LIG1: variants seen among roughly 807,000 people sequenced by gnomAD.
The protein encoded by LIG1 is ligase I, DNA, ATP-dependent.
Under a neutral mutation model 115.7 loss-of-function variants are expected in LIG1, and 70 were observed. That is an observed-to-expected ratio of 0.60 (90% CI 0.50 to 0.74). The LOEUF (loss-of-function observed/expected upper bound fraction) is 0.74, where lower values mean the gene tolerates loss of function less well. Among genes scored for constraint, LIG1 ranks in the 30% least tolerant of loss-of-function variants. The pLI is 0.00. For missense variants in LIG1, 1,115 were observed against 1,225.6 expected, an observed-to-expected ratio of 0.91 and a Z score of 1.35; for synonymous variants, 487 against 495.3, an observed-to-expected ratio of 0.98 and a Z score of 0.22.
At chr19:48,140,724 A>G (rs1438108954) in intron 11 of LIG1, among the ~76,000 whole-genome samples, 1 of 152,106 alleles carries the variant, frequency 6.6e-6, no homozygotes, top group Non-Finnish European at 1.5e-5. Context: ...ATCTGGCTCA[A>G]CAAGTTCTGC....
In LIG1 at chr19:48,170,330, C is replaced by A. The variant is rs1009692839; in HGVS notation, c.-147G>T. ...AGTCCCAAGTTCGCGCCACGGCATT[C>A]GCGCGCAGACGTCTGCGGGCGGGGG... On this transcript the variant is annotated 5_prime_UTR_variant, in exon 1 of 28. Coordinates refer to ENST00000263274, the MANE Select transcript of LIG1 (RefSeq NM_000234.3). 4 of 442,016 alleles carry A rather than the reference C, an allele frequency of 9.0e-6. No individual in the cohort carries two copies. Among genetic ancestry groups the A allele is most frequent in the South Asian group, 4.7e-5 (3 of 63,396 alleles). 27.4% of individuals were successfully genotyped at this position (442,016 alleles called of 1,614,324 possible).
chr19:48,120,521 G>C (rs747838755), intron 24 of LIG1: 12 of 984,936 alleles, frequency 1.2e-5, no homozygotes, highest in Non-Finnish European at 1.4e-5. Context: ...TAGGAAATAC[G>C]TAAGAAAATC....
At chr19:48,133,907 G>A (rs747075236) in intron 17 of LIG1, 74 bp downstream of exon 17, 158 of 1,288,482 alleles carry the variant, frequency 1.2e-4, no homozygotes, top group African/African-American at 1.6e-4. Flanking sequence ...GGGCGCCTAC[G>A]ATGGCCACCC....
intron 4 of LIG1, among the ~76,000 whole-genome samples, chr19:48,160,997 A>T (rs1457621782): frequency 6.6e-6 from 1 of 152,078 alleles, no homozygotes; most frequent in Admixed American, 6.6e-5. Flanking sequence ...TTGGCCTCCC[A>T]ACGTGCTGGG....
At chr19:48,162,583 G>A (rs562894781) in intron 2 of LIG1, among the ~76,000 whole-genome samples, 284 of 151,714 alleles carry the variant, frequency 1.9e-3, no homozygotes, top group Non-Finnish European at 3.1e-3. Context: ...ACAGGCACCC[G>A]CCACCATGCC....
chr19:48,126,542 G>C (rs2033679023), intron 21 of LIG1, among the ~76,000 whole-genome samples: 1 of 151,162 alleles, frequency 6.6e-6, no homozygotes, highest in African/African-American at 2.4e-5. Flanking sequence ...GGAGGAGGCA[G>C]TTGTAGTGAG....
At chr19:48,142,032 T>C (rs1446662389) in intron 11 of LIG1, among the ~76,000 whole-genome samples, 1 of 152,332 alleles carries the variant, frequency 6.6e-6, no homozygotes, top group East Asian at 1.9e-4. Flanking sequence ...CCGGGTGTGG[T>C]GGCTCAGGCC....
intron 1 of LIG1, among the ~76,000 whole-genome samples, chr19:48,166,693 G>A (rs1481665113): frequency 2.0e-5 from 3 of 152,008 alleles, no homozygotes; most frequent in South Asian, 2.1e-4. Context: ...TTCCTAGGCC[G>A]GGCGTGGTGG....
intron 5 of LIG1, chr19:48,154,435 T>C: frequency 4.8e-6 from 1 of 209,154 alleles, no homozygotes; most frequent in Non-Finnish European, 9.9e-6. Context: ...CCCAGCTGCC[T>C]CGCATCTCGG....
chr19:48,156,041 T>C (rs1024137681), intron 5 of LIG1, among the ~76,000 whole-genome samples: 3 of 152,158 alleles, frequency 2.0e-5, no homozygotes, highest in African/African-American at 7.2e-5. Flanking sequence ...TCTCTCGCCC[T>C]GTTCTTACCC....
chr19:48,152,092 T>C (rs1009484336), intron 6 of LIG1, among the ~76,000 whole-genome samples: 1 of 152,104 alleles, frequency 6.6e-6, no homozygotes, highest in Non-Finnish European at 1.5e-5. Flanking sequence ...TAGTTTACAA[T>C]AAAATTTGTA....
chr19:48,151,268 G>A lies in LIG1; in HGVS notation c.538C>T (p.Gln180Ter). ...AGGGGCTTGGGAGGCGTGGTGGGCT[G>A]GTCCCCGTCTTCTCCTTCCTTCTCT... Reference protein sequence around the residue: ...ATEKEGEDGDQPTTPPKPLKT... With the variant: ...ATEKEGEDGD The change falls in exon 7 of 28, where the codon CAG (glutamine) becomes TAG (stop). Residue 180 changes from glutamine (Q) to a stop codon, truncating the protein, a stop_gained. Transcript: ENST00000263274. LOFTEE classifies it high-confidence loss of function. 6.2e-6 allele frequency: 10 copies of A among 1,613,764 alleles called. No individual in the cohort carries two copies. Among genetic ancestry groups the A allele is most frequent in the Non-Finnish European group, 8.5e-6 (10 of 1,179,776 alleles).
intron 15 of LIG1, 44 bp downstream of exon 15, chr19:48,135,989 AG>A: frequency 6.9e-7 from 1 of 1,451,012 alleles, no homozygotes; most frequent in Non-Finnish European, 9.4e-7. Context: ...GGGAAGCCTG[AG>A]GTAACTCCAG....
intron 25 of LIG1, among the ~76,000 whole-genome samples, chr19:48,118,182 G>A (rs1251865472): frequency 6.6e-6 from 1 of 152,144 alleles, no homozygotes; most frequent in African/African-American, 2.4e-5. Context: ...TAGAGAGAGA[G>A]GGCAATGGAG....
In LIG1 at chr19:48,153,820, TCACA is replaced by T. The variant is rs59841262; in HGVS notation, c.466+48_466+51del. 4.5e-4 allele frequency: 62 copies of T among 138,554 alleles called. 1 individual carries two copies. The highest frequency in any genetic ancestry group is 1.3e-3 in the East Asian group (3 of 2,226). The allele number at this position is 138,554 out of a possible 1,614,324, so 8.6% of individuals were successfully genotyped here. A position where few individuals can be genotyped will look rare whatever the true frequency, so the allele number is the denominator to read the frequency against. On this transcript the variant is annotated intron_variant, in intron 6 of 27. Transcript: ENST00000263274. ...TTCCTCCTCCTCCTTCCTCTTGGCT[TCACA>T]CACACACACACACACACACACACAC...
At chr19:48,134,652 C>T (rs2034266335) in intron 16 of LIG1, among the ~76,000 whole-genome samples, 1 of 152,222 alleles carries the variant, frequency 6.6e-6, no homozygotes, top group African/African-American at 2.4e-5. Context: ...GGCGAGACTC[C>T]GTCTCAAACA....
At chr19:48,142,219 C>T (rs1300903067) in intron 11 of LIG1, among the ~76,000 whole-genome samples, 2 of 151,848 alleles carry the variant, frequency 1.3e-5, no homozygotes, top group Non-Finnish European at 2.9e-5. Flanking sequence ...GGGCGGATCA[C>T]GAGGTCAGGA....
At chr19:48,121,554 C>A (rs910201755) in intron 23 of LIG1, among the ~76,000 whole-genome samples, 1 of 152,172 alleles carries the variant, frequency 6.6e-6, no homozygotes, top group African/African-American at 2.4e-5. Flanking sequence ...GTAATCCCAG[C>A]ATTTTGGGAG....
Position 48,160,738 on chromosome 19 carries a change from CT to C in LIG1, c.243+633del, listed in dbSNP as rs747316658. ...ATACTTTTGAACCCTTATTTTTTTG[CT>C]TTTTTTTTTTTGAAGCAAGGTCTTG... On this transcript the variant is annotated intron_variant, in intron 4 of 27. Transcript: ENST00000263274. 4.9e-3 allele frequency among the ~76,000 whole-genome samples: 699 copies of C among 143,932 alleles called. 2 individuals are homozygous for C. Among genetic ancestry groups the C allele is most frequent in the African/African-American group, 0.01 (396 of 39,590 alleles). The allele number at this position is 143,932 out of a possible 152,430, so 94.4% of individuals were successfully genotyped here.
Sources: allele counts gnomAD v4.1 joint callset (sites outside exome capture counted in the v4.1 genomes callset), GRCh38; gene constraint gnomAD v4.1.1; transcripts MANE v1.5; gene names NCBI Gene and HGNC (gene_info 2026-07-23, HGNC 2026-07-21).